The following TAOK1 variants were observed in gnomAD, a reference collection of about 807,000 sequenced individuals.
TAOK1 encodes the protein serine/threonine-protein kinase TAO1.
Under a neutral mutation model 138.3 loss-of-function variants are expected in TAOK1, and 21 were observed. The observed-to-expected ratio is 0.15, with a 90% CI of 0.11 to 0.22. The LOEUF (loss-of-function observed/expected upper bound fraction) is 0.22. Among genes scored for constraint, TAOK1 ranks in the 10% least tolerant of loss-of-function variants. The pLI is 1.00. For synonymous variants in TAOK1, 361 were observed against 398.4 expected, an observed-to-expected ratio of 0.91 and a Z score of 1.12; for missense variants, 651 against 1,227.7, an observed-to-expected ratio of 0.53 and a Z score of 7.02.
chr17:29,433,934 C>T (rs1408680689), intron 1 of TAOK1, among the ~76,000 whole-genome samples: 1 of 152,120 alleles, frequency 6.6e-6, no homozygotes, highest in African/African-American at 2.4e-5. Flanking sequence ...CCTAAGAGGC[C>T]TATTTAGGGG....
Position 29,502,740 on chromosome 17 carries a change from AT to A in TAOK1, c.1338+19del, listed in dbSNP as rs781386792. ...GCATCACTGGTATGTACTTACCCGAATTAGAGATAAATATATTTTTCATGTG... is the reference window on the plus strand; with the variant it reads ...GCATCACTGGTATGTACTTACCCGAATAGAGATAAATATATTTTTCATGTG... On this transcript the variant is annotated intron_variant, in intron 13 of 19. Coordinates refer to ENST00000261716, the MANE Select transcript of TAOK1 (RefSeq NM_020791.4). The A allele has an allele frequency of 1.5e-5, 24 of 1,602,224 alleles. No individual in the cohort carries two copies. In the Admixed American group the frequency reaches 4.2e-4, roughly 28 times the overall value.
intron 1 of TAOK1, chr17:29,445,335 C>T (rs1047029506): frequency 1.3e-5 from 2 of 152,378 alleles, no homozygotes; most frequent in African/African-American, 4.8e-5. Context: ...TGCGTGTCAT[C>T]CTTGTGCAGG....
chr17:29,517,805 C>T, intron 16 of TAOK1, 149 bp downstream of exon 16: 1 of 797,206 alleles, frequency 1.3e-6, no homozygotes. Flanking sequence ...GGATTGTTTG[C>T]TCCCTGTATA....
intron 13 of TAOK1, among the ~76,000 whole-genome samples, chr17:29,507,091 A>G (rs2153029154): frequency 6.6e-6 from 1 of 152,262 alleles, no homozygotes; most frequent in East Asian, 1.9e-4. Flanking sequence ...GGGAGAATGG[A>G]GAGCAACTGC....
chr17:29,471,479 A>G (rs563062356), intron 3 of TAOK1, among the ~76,000 whole-genome samples: 1 of 151,582 alleles, frequency 6.6e-6, no homozygotes, highest in Non-Finnish European at 1.5e-5. Flanking sequence ...GGGTTTCATC[A>G]TCTTGGCCAG....
intron 1 of TAOK1, among the ~76,000 whole-genome samples, chr17:29,394,847 C>T (rs1367693977): frequency 2.6e-5 from 4 of 152,202 alleles, no homozygotes; most frequent in African/African-American, 7.2e-5. Context: ...GTAATGCCAG[C>T]GCTTTGGGAG....
chr17:29,406,132 T>C (rs60251158), intron 1 of TAOK1, among the ~76,000 whole-genome samples: 5,331 of 152,216 alleles, frequency 0.035, 291 homozygotes, highest in African/African-American at 0.12. Context: ...TGGGGGGATC[T>C]GTGCTATGCA....
intron 11 of TAOK1, among the ~76,000 whole-genome samples, chr17:29,497,996 G>A (rs776032748): frequency 1.3e-5 from 2 of 152,012 alleles, no homozygotes; most frequent in African/African-American, 2.4e-5. Context: ...CCCATGAGAT[G>A]TACTGTAGAA....
chr17:29,530,789 A>AT (rs1327917028), intron 18 of TAOK1, 170 bp downstream of exon 18: 4 of 633,066 alleles, frequency 6.3e-6, no homozygotes, highest in Non-Finnish European at 1.1e-5. Flanking sequence ...TGAAAATGTC[A>AT]TGATGCATGT....
rs1037529057 is a variant in TAOK1 at position 29,401,090 on chromosome 17, T to G, written c.-95+10066T>G. 2.6e-5 allele frequency among the ~76,000 whole-genome samples: 4 copies of G among 151,840 alleles called. No homozygotes were observed. In the East Asian group the frequency reaches 5.8e-4, roughly 22 times the overall value. On this transcript the variant is annotated intron_variant, in intron 1 of 19. Transcript: ENST00000261716. ...ACACCCGGCTAATTTTTGAAAAAAT[T>G]TTTTTGTGCAGACAGGGTCTTGCTA...
At chr17:29,501,238 AAAAAG>A (rs1195591512) in intron 12 of TAOK1, among the ~76,000 whole-genome samples, 4 of 142,326 alleles carry the variant, frequency 2.8e-5, no homozygotes, top group African/African-American at 8.1e-5. Context: ...AAAAAAAAAA[AAAAAG>A]AAAAGAAAAG....
intron 1 of TAOK1, among the ~76,000 whole-genome samples, chr17:29,444,518 T>C (rs1345789995): frequency 6.6e-6 from 1 of 152,214 alleles, no homozygotes; most frequent in Non-Finnish European, 1.5e-5. Flanking sequence ...ATTTATATAT[T>C]TTATTTTTGA....
intron 3 of TAOK1, among the ~76,000 whole-genome samples, chr17:29,473,619 G>A (rs959229565): frequency 2.0e-5 from 3 of 150,848 alleles, no homozygotes; most frequent in African/African-American, 7.3e-5. Context: ...AAAATCTGTT[G>A]CGTAATGTAG....
At chr17:29,536,992 G>T (rs771767065) in intron 19 of TAOK1, among the ~76,000 whole-genome samples, 3 of 152,092 alleles carry the variant, frequency 2.0e-5, no homozygotes, top group Non-Finnish European at 4.4e-5. Context: ...GAGCCACAGC[G>T]CCCGGCCATC....
intron 2 of TAOK1, among the ~76,000 whole-genome samples, chr17:29,460,003 T>G (rs1273682669): frequency 6.6e-6 from 1 of 152,224 alleles, no homozygotes; most frequent in East Asian, 1.9e-4. Flanking sequence ...TTGGAAAGTT[T>G]TGAATTTCAG....
chr17:29,397,546 T>G (rs1408354671), intron 1 of TAOK1, among the ~76,000 whole-genome samples: 1 of 139,736 alleles, frequency 7.2e-6, no homozygotes, highest in African/African-American at 2.7e-5. Flanking sequence ...GAGGTTGCAG[T>G]GAGCCGAGAT....
intron 14 of TAOK1, among the ~76,000 whole-genome samples, chr17:29,509,469 TG>T (rs2031680402): frequency 6.6e-6 from 1 of 152,118 alleles, no homozygotes; most frequent in Non-Finnish European, 1.5e-5. Context: ...CCCAAAGTGC[TG>T]GGATTATAGA....
intron 1 of TAOK1, among the ~76,000 whole-genome samples, chr17:29,405,285 G>A (rs1292235143): frequency 1.3e-5 from 2 of 152,114 alleles, no homozygotes; most frequent in African/African-American, 4.8e-5. Context: ...ACCTTGCCCT[G>A]CTGAAACAGT....
At chr17:29,492,652 C>T (rs982188455) in intron 10 of TAOK1, among the ~76,000 whole-genome samples, 14 of 151,956 alleles carry the variant, frequency 9.2e-5, no homozygotes, top group African/African-American at 3.1e-4. Context: ...ATTAGCTGGG[C>T]GTGGTGGCGC....
Sources: gnomAD v4.1 joint callset for allele counts (sites outside exome capture counted in the v4.1 genomes callset) on GRCh38, gnomAD v4.1.1 for gene constraint, MANE v1.5 for transcripts, NCBI Gene and HGNC (gene_info 2026-07-23, HGNC 2026-07-21) for gene names.